The following OR51B5 variants were observed in gnomAD, a reference collection of about 807,000 sequenced individuals.
OR51B5 encodes olfactory receptor 51B5.
For missense variants in OR51B5, 456 were observed against 374.6 expected (o/e 1.22, Z -1.79); for synonymous variants, 186 against 144.8 (o/e 1.28, Z -2.04).
At chr11:5,402,623 G>T in intron 1 of OR51B5, 1 of 471,208 alleles carries the variant, frequency 2.1e-6, no homozygotes, top group South Asian at 1.5e-5. Flanking sequence ...ACTCTTTGGG[G>T]TTTTTACCTA....
At chr11:5,458,649 T>C (rs186162338) in intron 1 of OR51B5, among the ~76,000 whole-genome samples, 2 of 152,340 alleles carry the variant, frequency 1.3e-5, no homozygotes, top group East Asian at 3.9e-4. Flanking sequence ...TGCTTTGTAA[T>C]TCTCATTGTA....
chr11:5,423,031 C>A (rs141346924), intron 1 of OR51B5: 18 of 1,613,984 alleles, frequency 1.1e-5, no homozygotes, highest in Non-Finnish European at 1.4e-5. Context: ...TCCATGTTAT[C>A]ATGGCCAATA....
At chr11:5,384,167 T>A (rs913584062) in intron 1 of OR51B5, among the ~76,000 whole-genome samples, 2 of 152,290 alleles carry the variant, frequency 1.3e-5, no homozygotes, top group Middle Eastern at 3.4e-3. Context: ...TTTCTTTTGT[T>A]GTTGTTTCTT....
intron 1 of OR51B5, among the ~76,000 whole-genome samples, chr11:5,460,889 G>T (rs1007221595): frequency 3.3e-5 from 5 of 152,212 alleles, no homozygotes; most frequent in African/African-American, 1.2e-4. Flanking sequence ...TAACCCTGGG[G>T]GTCTGGGACC....
rs745528487 is a variant in OR51B5, at chr11:5,422,570, T to C, written n.85-75660A>G. On this transcript the variant is annotated intron_variant and non_coding_transcript_variant, in intron 1 of 4. Transcript: ENST00000415970. ...TGTCCTCCTGGCTATGTCCGTTGAC[T>C]GCTATGTGGCCATCTGCTGTCCCCT... 1.9e-5 allele frequency: 31 copies of C among 1,614,080 alleles called. No homozygotes were observed. Among genetic ancestry groups the C allele is most frequent in the Non-Finnish European group, 2.6e-5 (31 of 1,180,046 alleles).
chr11:5,404,147 G>C (rs960049835), intron 1 of OR51B5, among the ~76,000 whole-genome samples: 1 of 138,328 alleles, frequency 7.2e-6, no homozygotes, highest in East Asian at 2.5e-4. Context: ...TTCTGGGTCG[G>C]GGGCGGGGGG....
At chr11:5,465,074 C>T (rs181737503) in intron 1 of OR51B5, among the ~76,000 whole-genome samples, 6,749 of 150,830 alleles carry the variant, frequency 0.045, 170 homozygotes, top group Middle Eastern at 0.073. Flanking sequence ...GGCGTAGTGG[C>T]GGGCGCCTGT....
Position 5,422,374 on chromosome 11 carries a change from C to G in OR51B5, n.85-75464G>C. On this transcript the variant is annotated intron_variant and non_coding_transcript_variant, in intron 1 of 4. Coordinates refer to the OR51B5 transcript ENST00000415970. ...TCATTCGCACAGAGCCATCTGTCCACCAGCGCATGTATCTGTTTCTCTCCA... is the reference window on the plus strand; with the variant it reads ...TCATTCGCACAGAGCCATCTGTCCAGCAGCGCATGTATCTGTTTCTCTCCA... The G allele has an allele frequency of 6.2e-7, 1 of 1,614,202 alleles. No homozygotes were observed. Among genetic ancestry groups the G allele is most frequent in the Non-Finnish European group, 8.5e-7 (1 of 1,180,042 alleles).
At chr11:5,412,118 T>C (rs985457945) in intron 1 of OR51B5, among the ~76,000 whole-genome samples, 6 of 152,202 alleles carry the variant, frequency 3.9e-5, no homozygotes, top group Admixed American at 6.5e-5. Flanking sequence ...CTCCTCCTCC[T>C]CAAATTCAAG....
At chr11:5,381,253 T>G (rs1374148405) in intron 1 of OR51B5, among the ~76,000 whole-genome samples, 1 of 152,178 alleles carries the variant, frequency 6.6e-6, no homozygotes, top group African/African-American at 2.4e-5. Context: ...CAGTGACACT[T>G]TTCACTTTTA....
intron 1 of OR51B5, among the ~76,000 whole-genome samples, chr11:5,404,300 G>T (rs1461310371): frequency 6.6e-6 from 1 of 152,044 alleles, no homozygotes; most frequent in East Asian, 1.9e-4. Context: ...TAGCTAATCG[G>T]GTGGGGACTT....
At chr11:5,428,873 T>C (rs975082600) in intron 1 of OR51B5, among the ~76,000 whole-genome samples, 2 of 152,208 alleles carry the variant, frequency 1.3e-5, no homozygotes, top group Non-Finnish European at 2.9e-5. Flanking sequence ...GGATTAGAAA[T>C]AAGAGAGGGG....
chr11:5,389,886 G>A lies in OR51B5; in HGVS notation n.85-42976C>T, dbSNP rs372044026. ...AGAGCAGGCCTAATTGTCATCTTCC[G>A]GGGACCTGTGGCCACTATCCCTATT... is the stretch of plus-strand genomic sequence containing the variant. On this transcript the variant is annotated intron_variant and non_coding_transcript_variant, in intron 1 of 4. Transcript: ENST00000415970. 1.7e-5 allele frequency: 28 copies of A among 1,612,570 alleles called. 1 individual carries two copies. The highest frequency in any genetic ancestry group is 1.3e-4 in the South Asian group (12 of 91,074).
intron 1 of OR51B5, among the ~76,000 whole-genome samples, chr11:5,350,020 A>G (rs985119718): frequency 6.6e-6 from 1 of 152,204 alleles, no homozygotes; most frequent in Non-Finnish European, 1.5e-5. Flanking sequence ...CTTCCACAGA[A>G]AAAAAGGAAA....
intron 1 of OR51B5, among the ~76,000 whole-genome samples, chr11:5,445,334 A>G (rs1850744344): frequency 2.0e-5 from 3 of 152,136 alleles, no homozygotes; most frequent in South Asian, 4.1e-4. Flanking sequence ...AGATCTCCAT[A>G]TTTATTCAGA....
intron 1 of OR51B5, chr11:5,469,072 T>C: frequency 8.0e-6 from 2 of 249,368 alleles, no homozygotes; most frequent in Non-Finnish European, 1.6e-5. Flanking sequence ...TCATGGCCAG[T>C]AGGATGCCAA....
chr11:5,345,121 G>A (rs58754920), upstream of OR51B5, among the ~76,000 whole-genome samples: 9,259 of 152,194 alleles, frequency 0.061, 917 homozygotes, highest in African/African-American at 0.21. Context: ...AGACCACCAC[G>A]GAATTTTTGT....
At chr11:5,436,313 G>A (rs946114540) in intron 1 of OR51B5, among the ~76,000 whole-genome samples, 1 of 152,156 alleles carries the variant, frequency 6.6e-6, no homozygotes, top group African/African-American at 2.4e-5. Context: ...ATAAGCTTCT[G>A]GGCAGTGAAG....
chr11:5,422,074 T>A, intron 1 of OR51B5: 1 of 757,132 alleles, frequency 1.3e-6, no homozygotes. Flanking sequence ...TTGCTTTAGT[T>A]ACCCTCAACA....
Sources: gnomAD v4.1 joint callset for allele counts (sites outside exome capture counted in the v4.1 genomes callset) on GRCh38, gnomAD v4.1.1 for gene constraint, MANE v1.5 for transcripts, NCBI Gene and HGNC (gene_info 2026-07-23, HGNC 2026-07-21) for gene names.